The following ACSM3 variants were observed in gnomAD, a reference collection of about 807,000 sequenced individuals.
ACSM3 encodes acyl-coenzyme A synthetase ACSM3, mitochondrial.
ACSM3 carries 61 observed loss-of-function variants against 74.1 expected under a neutral mutation model. The observed-to-expected ratio is 0.82, with a 90% CI of 0.67 to 1.02. ACSM3 has a LOEUF of 1.02. Among genes scored for constraint, ACSM3 ranks in the 50% least tolerant of loss-of-function variants. ACSM3 has a pLI of 0.00. For missense variants in ACSM3, 660 were observed against 697.0 expected, an observed-to-expected ratio of 0.95 and a Z score of 0.60; for synonymous variants, 213 against 241.5, an observed-to-expected ratio of 0.88 and a Z score of 1.09.
rs191879165 is a variant in ACSM3, at chr16:20,770,711, G to A, written c.219+458G>A. On this transcript the variant is annotated intron_variant, in intron 2 of 13. Coordinates refer to ENST00000289416, the MANE Select transcript of ACSM3 (RefSeq NM_005622.4). The stretch of plus-strand genomic sequence containing the variant: ...CAAAAGAAATGACATGGCTTCCAAC[G>A]TCTAGAAATAAGGACCCCAAAGTTA... Among the ~76,000 whole-genome samples, 797 of 152,224 alleles carry A rather than the reference G, an allele frequency of 5.2e-3. 6 individuals carry two copies. Among genetic ancestry groups the A allele is most frequent in the African/African-American group, 0.018 (743 of 41,548 alleles).
At chr16:20,741,497 C>CCGG in intron 1 of ACSM3, 1 of 1,430,166 alleles carries the variant, frequency 7.0e-7, no homozygotes. Context: ...CCGCCCACCC[C>CCGG]GGGACCGGTA....
rs938249916 is a variant in ACSM3 at position 20,711,715 on chromosome 16, C to T, written c.-190+36893C>T. On this transcript the variant is annotated intron_variant, in intron 1 of 3. Coordinates refer to the ACSM3 transcript ENST00000561584. ...TTTCCCAGCCAATCTACGCTGCCAG[C>T]AACAACACAAATTATTGCTACATCT... is the stretch of plus-strand genomic sequence containing the variant. 31 of 450,420 alleles carry T rather than the reference C, an allele frequency of 6.9e-5. No homozygotes were observed. In the Admixed American group the frequency reaches 9.3e-4, roughly 14 times the overall value. The allele number at this position is 450,420 out of a possible 1,614,324, so 27.9% of individuals were successfully genotyped here.
intron 1 of ACSM3, chr16:20,691,269 G>T: frequency 8.2e-7 from 1 of 1,223,966 alleles, no homozygotes; most frequent in Non-Finnish European, 1.1e-6. Flanking sequence ...TAGATTGGCT[G>T]TGTATCCAAA....
chr16:20,792,222 A>G lies in ACSM3; in HGVS notation c.1455-14A>G, dbSNP rs2152487307. On this transcript the variant is annotated splice_polypyrimidine_tract_variant and intron_variant, in intron 11 of 13. Transcript: ENST00000289416. ...CCACTCACCTGTATGTATTCCTGCC[A>G]TATGTGTTTCTAGCTATCGAATTGG... 1 of 1,614,060 alleles carries G rather than the reference A, an allele frequency of 6.2e-7. No individual in the cohort carries two copies. The highest frequency in any genetic ancestry group is 1.1e-5 in the South Asian group (1 of 91,082).
chr16:20,678,891 C>T (rs1484677265), intron 1 of ACSM3, among the ~76,000 whole-genome samples: 7 of 152,016 alleles, frequency 4.6e-5, no homozygotes, highest in Admixed American at 3.3e-4. Flanking sequence ...ACTGGGTATT[C>T]CCCCTCTGAG....
chr16:20,685,112 G>C, intron 1 of ACSM3: 4 of 1,467,344 alleles, frequency 2.7e-6, no homozygotes, highest in South Asian at 2.3e-5. Flanking sequence ...TGCCAGGCTG[G>C]GTGCACAGCA....
intron 1 of ACSM3, chr16:20,735,863 T>G (rs2079864638): frequency 6.6e-6 from 1 of 152,186 alleles, no homozygotes. Flanking sequence ...TAAAGTCTCT[T>G]CAACTTTGTA....
intron 10 of ACSM3, among the ~76,000 whole-genome samples, chr16:20,791,506 T>C (rs2080596198): frequency 1.3e-5 from 2 of 152,226 alleles, no homozygotes; most frequent in Non-Finnish European, 2.9e-5. Context: ...TTTGTAACTG[T>C]AGTTTACCTT....
chr16:20,741,547 G>A (rs749852619), intron 1 of ACSM3: 16 of 1,544,332 alleles, frequency 1.0e-5, no homozygotes, highest in Non-Finnish European at 1.4e-5. Context: ...TATTCGTTGA[G>A]GAGGCTGTAG....
intron 1 of ACSM3, among the ~76,000 whole-genome samples, chr16:20,704,859 T>C (rs2079722504): frequency 6.6e-6 from 1 of 152,086 alleles, no homozygotes; most frequent in Admixed American, 6.5e-5. Context: ...AGAGGATGAT[T>C]TGGGAGTAGA....
chr16:20,771,753 G>A (rs2152456725), intron 2 of ACSM3, among the ~76,000 whole-genome samples: 1 of 152,288 alleles, frequency 6.6e-6, no homozygotes, highest in East Asian at 1.9e-4. Flanking sequence ...AAAATACCCA[G>A]TGGTGAGACT....
intron 1 of ACSM3, chr16:20,728,409 GT>G: frequency 6.9e-7 from 1 of 1,441,040 alleles, no homozygotes; most frequent in Non-Finnish European, 9.7e-7. Flanking sequence ...AAATGGCAAT[GT>G]TCTACCACCT....
chr16:20,742,043 C>T, intron 1 of ACSM3: 1 of 1,410,126 alleles, frequency 7.1e-7, no homozygotes, highest in Non-Finnish European at 9.3e-7. Flanking sequence ...AAGCTGGCTC[C>T]AGCCATATAG....
In ACSM3 at chr16:20,685,840, A is replaced by C. The variant is rs904437460; in HGVS notation, c.-190+11018A>C. 1.4e-4 allele frequency among the ~76,000 whole-genome samples: 17 copies of C among 123,594 alleles called. 2 individuals are homozygous for C. The highest frequency in any genetic ancestry group is 2.3e-4 in the Non-Finnish European group (12 of 52,632). The allele number at this position is 123,594 out of a possible 152,430, so 81.1% of individuals were successfully genotyped here. A position where few individuals can be genotyped will look rare whatever the true frequency, so the allele number is the denominator to read the frequency against. On this transcript the variant is annotated intron_variant, in intron 1 of 3. Transcript: ENST00000561584. Reference sequence around the variant, plus strand: ...GTCTCAAAAAAAAAAAACAAACAAAAAAAAAACAAAAAACTTATAGCATCA... The same window carrying C: ...GTCTCAAAAAAAAAAAACAAACAAACAAAAAACAAAAAACTTATAGCATCA...
Position 20,729,061 on chromosome 16 carries a change from T to A in ACSM3, c.-189-20849T>A, listed in dbSNP as rs534595099. ...AGGTCAAGGCTGCAGTGAGCTATGATCAAGCCAATGCAGTCCAGCATGGGC... is the reference window on the plus strand; with the variant it reads ...AGGTCAAGGCTGCAGTGAGCTATGAACAAGCCAATGCAGTCCAGCATGGGC... On this transcript the variant is annotated intron_variant, in intron 1 of 3. Transcript: ENST00000561584. Among the ~76,000 whole-genome samples, 31 of 152,324 alleles carry A rather than the reference T, an allele frequency of 2.0e-4. No homozygotes were observed. The South Asian group carries it at 6.4e-3, about 32-fold the overall frequency.
At chr16:20,741,405 G>T in intron 1 of ACSM3, 1 of 1,389,028 alleles carries the variant, frequency 7.2e-7, no homozygotes, top group Non-Finnish European at 9.5e-7. Flanking sequence ...CCGTCACGCC[G>T]ACGACCCGAG....
At chr16:20,734,499 A>G (rs980156720) in intron 1 of ACSM3, 13 of 146,498 alleles carry the variant, frequency 8.9e-5, no homozygotes, top group African/African-American at 3.2e-4. Flanking sequence ...ACCACCAGCT[A>G]GGAGGATAAA....
chr16:20,732,741 C>G (rs1350873147), intron 1 of ACSM3, among the ~76,000 whole-genome samples: 2 of 152,160 alleles, frequency 1.3e-5, no homozygotes, highest in African/African-American at 4.8e-5. Flanking sequence ...GTCACCCTTC[C>G]TGTACAAACA....
intron 7 of ACSM3, chr16:20,783,166 T>A (rs2080391382): frequency 6.6e-6 from 1 of 152,158 alleles, no homozygotes; most frequent in South Asian, 2.1e-4. Flanking sequence ...CAAAAGACAA[T>A]TCTATTACCC....
Sources: gnomAD v4.1 joint callset for allele counts (sites outside exome capture counted in the v4.1 genomes callset) on GRCh38, gnomAD v4.1.1 for gene constraint, MANE v1.5 for transcripts, NCBI Gene and HGNC (gene_info 2026-07-23, HGNC 2026-07-21) for gene names.